Variants in DDX47 observed in about 807,000 individuals in gnomAD.
DDX47 encodes DEAD-box helicase 47.
DDX47 carries 60 observed loss-of-function variants against 58.8 expected under a neutral mutation model. That is an observed-to-expected ratio of 1.02 (90% CI 0.83 to 1.26). DDX47 has a LOEUF of 1.26. DDX47 is among the 50% of genes most tolerant of loss of function. DDX47 has a pLI of 0.00. For missense variants in DDX47, 530 were observed against 573.2 expected, an observed-to-expected ratio of 0.92 and a Z score of 0.77; for synonymous variants, 197 against 204.6, an observed-to-expected ratio of 0.96 and a Z score of 0.32.
At chr12:12,827,152 G>A (rs546804043) in intron 10 of DDX47, 94 bp from the exon 11 acceptor site, 4 of 1,426,638 alleles carry the variant, frequency 2.8e-6, no homozygotes, top group East Asian at 2.3e-5. Context: ...TAAACCTATG[G>A]TTCCTATTGC....
In DDX47 at chr12:12,821,660, A is replaced by C. The variant is rs771117201; in HGVS notation, c.376A>C (p.Ile126Leu). The change falls in exon 4 of 12, where the codon ATT (isoleucine) becomes CTT (leucine). Residue 126 changes from isoleucine (I) to leucine (L), a missense_variant. Ile to Leu is a conservative substitution (Grantham distance 5). Coordinates refer to ENST00000358007, the MANE Select transcript of DDX47 (RefSeq NM_016355.4). The part of the protein sequence containing the change: ...GSSIGVQSAV[I>L]VGGIDSMSQS... ...TGTTCTTTTTTTCTCTGTAGCTGTG[A>C]TTGTAGGTGGAATTGATTCAATGTC... The C allele has an allele frequency of 6.2e-7, 1 of 1,613,864 alleles. No individual in the cohort carries two copies. The highest frequency in any genetic ancestry group is 1.7e-5 in the Admixed American group (1 of 59,988).
At chr12:12,814,452 GC>G in intron 2 of DDX47, 1 of 453,176 alleles carries the variant, frequency 2.2e-6, no homozygotes, top group Non-Finnish European at 4.0e-6. Flanking sequence ...CTTTAAGGAA[GC>G]CCTAGGTTAA....
At chr12:12,817,132 A>T (rs73285347) in intron 2 of DDX47, among the ~76,000 whole-genome samples, 18,838 of 152,178 alleles carry the variant, frequency 0.12, 1,246 homozygotes, top group African/African-American at 0.17. Context: ...TGCTGTTGTT[A>T]TTCGGTGAAA....
At chr12:12,826,282 T>C in intron 10 of DDX47, 1 of 397,190 alleles carries the variant, frequency 2.5e-6, no homozygotes, top group Admixed American at 4.3e-5. Flanking sequence ...TAGTATAGTA[T>C]TTGGCATGTA....
rs1375118880 is a variant in DDX47 at position 12,829,408 on chromosome 12, C to T, written c.1237-15C>T. On this transcript the variant is annotated splice_polypyrimidine_tract_variant and intron_variant, in intron 11 of 11. Transcript: ENST00000358007. The stretch of plus-strand genomic sequence containing the variant: ...TAATTCATTTTCAATCCCATCCTCT[C>T]TTTTTTTCTTGCAGGAGTTAAGGGA... 6.3e-7 allele frequency: 1 copy of T among 1,598,926 alleles called. No individual in the cohort carries two copies. The highest frequency in any genetic ancestry group is 8.5e-7 in the Non-Finnish European group (1 of 1,174,876).
intron 2 of DDX47, among the ~76,000 whole-genome samples, chr12:12,814,864 A>G (rs910241375): frequency 1.6e-4 from 24 of 152,166 alleles, no homozygotes; most frequent in African/African-American, 5.8e-4. Context: ...TTTAGTAGAG[A>G]TGGGGTTTCA....
intron 4 of DDX47, 71 bp from the exon 5 acceptor site, chr12:12,821,894 T>G: frequency 8.0e-7 from 1 of 1,247,738 alleles, no homozygotes; most frequent in Admixed American, 2.0e-5. Flanking sequence ...TAACTTTATT[T>G]GTTTATTTGT....
At position 12,815,199 on chromosome 12, in the gene DDX47, A is replaced by G. The variant is rs1862878441; in HGVS notation, c.181+975A>G. Among the ~76,000 whole-genome samples the G allele has an allele frequency of 2.0e-5, 3 of 152,338 alleles. No individual in the cohort carries two copies. In the Middle Eastern group the frequency reaches 0.01, roughly 518 times the overall value. ...GTATTAATGTAGCTATTACTGTATT[A>G]CTATATTATTAGTGATTAATGTAAG... is the stretch of plus-strand genomic sequence containing the variant. On this transcript the variant is annotated intron_variant, in intron 2 of 11. Transcript: ENST00000358007.
chr12:12,824,532 T>C lies in DDX47; in HGVS notation c.898-8T>C, dbSNP rs1863021697. On this transcript the variant is annotated splice_polypyrimidine_tract_variant and splice_region_variant and intron_variant, in intron 8 of 11. Coordinates refer to ENST00000358007, the MANE Select transcript of DDX47 (RefSeq NM_016355.4). Reference sequence around the variant, plus strand: ...AAGTTTTCCAACATTTCTTTTTCATTACCTCAGAGTAAGCGCCTAGGATCC... The same window carrying C: ...AAGTTTTCCAACATTTCTTTTTCATCACCTCAGAGTAAGCGCCTAGGATCC... 3 of 1,597,948 alleles carry C rather than the reference T, an allele frequency of 1.9e-6. No homozygotes were observed. The highest frequency in any genetic ancestry group is 1.7e-6 in the Non-Finnish European group (2 of 1,176,120).
At chr12:12,815,234 TTAC>T (rs1187795151) in intron 2 of DDX47, among the ~76,000 whole-genome samples, 3 of 152,244 alleles carry the variant, frequency 2.0e-5, no homozygotes, top group Non-Finnish European at 2.9e-5. Flanking sequence ...GCTATAATTA[TTAC>T]TCATTAGTAA....
intron 9 of DDX47, 187 bp downstream of exon 9, chr12:12,824,864 T>A: frequency 1.9e-6 from 1 of 515,160 alleles, no homozygotes; most frequent in African/African-American, 1.9e-5. Context: ...TTAGTACATA[T>A]GAAAGAGGTA....
chr12:12,818,540 C>T lies in DDX47; in HGVS notation c.182-2668C>T, dbSNP rs568113263. Among the ~76,000 whole-genome samples the T allele has an allele frequency of 5.9e-5, 9 of 152,036 alleles. No homozygotes were observed. The East Asian group carries it at 1.6e-3, about 26-fold the overall frequency. On this transcript the variant is annotated intron_variant, in intron 2 of 11. Transcript: ENST00000358007. ...TGTCTAAAAAAAAAAAAAATCAGTC[C>T]CATTGTCTGGTTTGACTTGTATTTC... is the stretch of plus-strand genomic sequence containing the variant.
At chr12:12,823,445 A>G (rs1478239511) in intron 7 of DDX47, 126 bp downstream of exon 7, 4 of 696,484 alleles carry the variant, frequency 5.7e-6, no homozygotes, top group Non-Finnish European at 7.7e-6. Flanking sequence ...TTTGCTTTAG[A>G]GTGCATATCG....
Position 12,829,907 on chromosome 12 carries a change from A to G in DDX47, c.*353A>G, listed in dbSNP as rs1344602942. 3 of 165,792 alleles carry G rather than the reference A, an allele frequency of 1.8e-5. No homozygotes were observed. The highest frequency in any genetic ancestry group is 4.8e-5 in the African/African-American group (2 of 41,990). The allele number at this position is 165,792 out of a possible 1,614,324, so 10.3% of individuals were successfully genotyped here. ...AAAGAAGCTTGGACATCTGCAAATG[A>G]TATTTAAACCATCTTGGCTTGTGCT... On this transcript the variant is annotated 3_prime_UTR_variant, in exon 12 of 12. Transcript: ENST00000358007.
rs1165775580 is a variant in DDX47, at chr12:12,829,749, T to TA, written c.*196dup. 2 of 545,832 alleles carry TA rather than the reference T, an allele frequency of 3.7e-6. No homozygotes were observed. The highest frequency in any genetic ancestry group is 3.5e-5 in the South Asian group (1 of 28,332). 33.8% of individuals were successfully genotyped at this position (545,832 alleles called of 1,614,324 possible). ...CTTACAGTGCTGATGTCAAGACTGT[T>TA]ACTGTTCTTCGACTTTGATTCCTTG... On this transcript the variant is annotated 3_prime_UTR_variant, in exon 12 of 12. Transcript: ENST00000358007.
rs375131085 is a variant in DDX47, at chr12:12,821,257, C to G, written c.231C>G (p.Ala77=). The stretch of plus-strand genomic sequence containing the variant: ...AAACTGGCTCTGGAAAGACAGGCGC[C>G]TTTGCTTTGCCCATTCTAAACGCAC... ...LAETGSGKTG[A]FALPILNALL... Residue 77 remains alanine, a synonymous_variant, in exon 3 of 12, where the codon GCC becomes GCG. Transcript: ENST00000358007. 5 of 1,614,094 alleles carry G rather than the reference C, an allele frequency of 3.1e-6. No individual in the cohort carries two copies. The highest frequency in any genetic ancestry group is 2.5e-6 in the Non-Finnish European group (3 of 1,180,034).
chr12:12,822,747 G>A lies in DDX47; in HGVS notation c.633+15G>A, dbSNP rs371332178. 1.6e-5 allele frequency: 25 copies of A among 1,606,360 alleles called. No individual in the cohort carries two copies. The highest frequency in any genetic ancestry group is 2.0e-5 in the Non-Finnish European group (24 of 1,173,568). On this transcript the variant is annotated intron_variant, in intron 6 of 11. Transcript: ENST00000358007. ...TGACCAAGAAGGTGAAATTTGCTAG[G>A]ACTTTTGTTTCTTCTTTATGAGAAT...
At position 12,823,850 on chromosome 12, in the gene DDX47, G is replaced by C. The variant is rs1165580559; in HGVS notation, c.751-20G>C. 1.2e-6 allele frequency: 2 copies of C among 1,611,282 alleles called. No individual in the cohort carries two copies. The highest frequency in any genetic ancestry group is 8.5e-7 in the Non-Finnish European group (1 of 1,178,464). On this transcript the variant is annotated intron_variant, in intron 7 of 11. Transcript: ENST00000358007. ...TCTCCCAGGTTCAATGACATATATTGTTTTGGGTTTGTAACTTAGGATACC... is the reference window on the plus strand; with the variant it reads ...TCTCCCAGGTTCAATGACATATATTCTTTTGGGTTTGTAACTTAGGATACC...
rs1862974612 is a variant in DDX47 at position 12,821,663 on chromosome 12, G to T, written c.379G>T (p.Val127Leu). Reference protein sequence around the residue: ...SSIGVQSAVIVGGIDSMSQSL... With the variant: ...SSIGVQSAVILGGIDSMSQSL... ...TCTTTTTTTCTCTGTAGCTGTGATT[G>T]TAGGTGGAATTGATTCAATGTCTCA... Residue 127 changes from valine to leucine, a missense_variant, in exon 4 of 12, where the codon GTA (valine) becomes TTA (leucine). Transcript: ENST00000358007. 2 of 1,613,904 alleles carry T rather than the reference G, an allele frequency of 1.2e-6. No homozygotes were observed. The highest frequency in any genetic ancestry group is 1.7e-5 in the Admixed American group (1 of 60,002).
Sources: allele counts gnomAD v4.1 joint callset (sites outside exome capture counted in the v4.1 genomes callset), GRCh38; gene constraint gnomAD v4.1.1; transcripts MANE v1.5; gene names NCBI Gene and HGNC (gene_info 2026-07-23, HGNC 2026-07-21).